The following RBFOX1 variants were observed in gnomAD, a reference collection of about 807,000 sequenced individuals.
RBFOX1 encodes RNA binding fox-1 homolog 1, also known as RNA binding protein fox-1 homolog 1.
A neutral mutation model predicts 57.7 loss-of-function variants in RBFOX1; 8 were observed. The ratio of observed to expected loss-of-function variants is 0.14; its 90% CI spans 0.08 to 0.25. The LOEUF is 0.25. Ranked by LOEUF, RBFOX1 falls within the 10% of genes least tolerant of loss-of-function variation. The pLI, the probability that RBFOX1 is intolerant of heterozygous loss-of-function variation, is 1.00. For missense variants in RBFOX1, 611 were observed against 548.5 expected (o/e 1.11, Z -1.14); for synonymous variants, 326 against 222.4 (o/e 1.47, Z -4.15).
chr16:6,870,544 C>T (rs557006315), intron 3 of RBFOX1, among the ~76,000 whole-genome samples: 8 of 152,154 alleles, frequency 5.3e-5, no homozygotes, highest in Non-Finnish European at 8.8e-5. Flanking sequence ...ACTGGATCAC[C>T]TTGTATAACT....
chr16:7,046,845 A>G (rs1008773427), intron 3 of RBFOX1, among the ~76,000 whole-genome samples: 2 of 151,668 alleles, frequency 1.3e-5, no homozygotes, highest in South Asian at 4.2e-4. Flanking sequence ...ACCTCAGGTG[A>G]TCTGCGAGCC....
At chr16:6,494,466 A>C (rs181271528) in intron 2 of RBFOX1, among the ~76,000 whole-genome samples, 6 of 152,232 alleles carry the variant, frequency 3.9e-5, no homozygotes. Context: ...GTGAGATCAC[A>C]GAGTGCTTAG....
chr16:6,676,300 A>T (rs2057675628), intron 3 of RBFOX1, among the ~76,000 whole-genome samples: 1 of 152,062 alleles, frequency 6.6e-6, no homozygotes, highest in Non-Finnish European at 1.5e-5. Context: ...GAGAAAGTGG[A>T]TAGGGAATAG....
intron 3 of RBFOX1, among the ~76,000 whole-genome samples, chr16:6,995,182 GC>G (rs1177782174): frequency 1.3e-5 from 2 of 151,822 alleles, no homozygotes; most frequent in Non-Finnish European, 2.9e-5. Flanking sequence ...TTACAGTGTG[GC>G]TTTACATAAT....
chr16:5,974,001 T>C (rs1412302355), intron 4 of RBFOX1, among the ~76,000 whole-genome samples: 1 of 152,214 alleles, frequency 6.6e-6, no homozygotes, highest in Non-Finnish European at 1.5e-5. Flanking sequence ...TTTAACATCC[T>C]TAAAACCTCA....
At chr16:5,993,370 T>A in intron 4 of RBFOX1, among the ~76,000 whole-genome samples, 1 of 100,592 alleles carries the variant, frequency 9.9e-6, no homozygotes, top group Middle Eastern at 5.6e-3. Flanking sequence ...TGTGTGTGTG[T>A]GTGTGTGTGT....
intron 3 of RBFOX1, among the ~76,000 whole-genome samples, chr16:5,728,193 T>TACAA (rs1567456414): frequency 1.3e-5 from 2 of 152,188 alleles, no homozygotes; most frequent in African/African-American, 4.8e-5. Context: ...AGCCAAGATA[T>TACAA]ACAAACAACT....
At chr16:6,917,236 C>T (rs1165193075) in intron 3 of RBFOX1, among the ~76,000 whole-genome samples, 1 of 152,110 alleles carries the variant, frequency 6.6e-6, no homozygotes, top group African/African-American at 2.4e-5. Flanking sequence ...CACCTTGGTC[C>T]CCGCTCTCAC....
chr16:5,815,974 TTACAGCCCCCAGGTA>T (rs578060265), intron 3 of RBFOX1, among the ~76,000 whole-genome samples: 42 of 152,294 alleles, frequency 2.8e-4, no homozygotes, highest in Admixed American at 2.7e-3. Context: ...TGGTTGGATC[TTACAGCCCCCAGGTA>T]TACAACCCTT....
intron 4 of RBFOX1, among the ~76,000 whole-genome samples, chr16:7,295,604 A>G (rs1180492349): frequency 2.6e-5 from 4 of 152,098 alleles, no homozygotes; most frequent in African/African-American, 9.7e-5. Context: ...CTGCAAAGGT[A>G]TGATCCAGAG....
chr16:5,676,460 G>A (rs2050171766), intron 3 of RBFOX1, among the ~76,000 whole-genome samples: 1 of 152,168 alleles, frequency 6.6e-6, no homozygotes, highest in Non-Finnish European at 1.5e-5. Flanking sequence ...CACTAGCTGT[G>A]TGACCTTGAG....
chr16:6,737,666 A>G (rs963293179), intron 3 of RBFOX1, among the ~76,000 whole-genome samples: 1 of 152,202 alleles, frequency 6.6e-6, no homozygotes, highest in Non-Finnish European at 1.5e-5. Context: ...ATCAGGTTCA[A>G]TATAGGCTAG....
At chr16:5,286,376 G>A (rs1346031851) in intron 1 of RBFOX1, among the ~76,000 whole-genome samples, 4 of 152,170 alleles carry the variant, frequency 2.6e-5, no homozygotes, top group Admixed American at 6.5e-5. Flanking sequence ...GCAGGTTCTC[G>A]TGGTGGGTAA....
chr16:5,490,274 T>C (rs996859761), intron 2 of RBFOX1, among the ~76,000 whole-genome samples: 1 of 152,238 alleles, frequency 6.6e-6, no homozygotes, highest in African/African-American at 2.4e-5. Flanking sequence ...GTAAGTGACA[T>C]ACATGCTTCA....
chr16:6,914,308 A>T (rs2072517104), intron 3 of RBFOX1, among the ~76,000 whole-genome samples: 1 of 152,140 alleles, frequency 6.6e-6, no homozygotes, highest in African/African-American at 2.4e-5. Context: ...GCTAGGAGGG[A>T]CCTTAGTGAT....
At chr16:6,419,234 G>A (rs1030645200) in intron 2 of RBFOX1, among the ~76,000 whole-genome samples, 1 of 152,080 alleles carries the variant, frequency 6.6e-6, no homozygotes, top group African/African-American at 2.4e-5. Context: ...AGCACTCCAT[G>A]ATTTTTTTCT....
chr16:5,322,126 G>C (rs1204620876), intron 1 of RBFOX1, among the ~76,000 whole-genome samples: 1 of 152,176 alleles, frequency 6.6e-6, no homozygotes, highest in Non-Finnish European at 1.5e-5. Context: ...CAAAGCTCAA[G>C]CTCTGAGTCA....
At chr16:7,135,970 C>T (rs530709295) in intron 4 of RBFOX1, among the ~76,000 whole-genome samples, 8 of 152,334 alleles carry the variant, frequency 5.3e-5, no homozygotes, top group East Asian at 1.9e-4. Context: ...ATAACAGTTG[C>T]ATTCATTTTT....
At chr16:5,652,141 T>C (rs1410584766) in intron 3 of RBFOX1, among the ~76,000 whole-genome samples, 1 of 152,088 alleles carries the variant, frequency 6.6e-6, no homozygotes, top group African/African-American at 2.4e-5. Context: ...CTAAAAAAAA[T>C]TATACTTTTA....
Sources: gnomAD v4.1 joint callset for allele counts (sites outside exome capture counted in the v4.1 genomes callset) on GRCh38, gnomAD v4.1.1 for gene constraint, MANE v1.5 for transcripts, NCBI Gene and HGNC (gene_info 2026-07-23, HGNC 2026-07-21) for gene names.